The following KLF12 variants were observed in gnomAD, a reference collection of about 807,000 sequenced individuals.
KLF12 encodes the protein KLF transcription factor 12, also known as Krueppel-like factor 12.
KLF12 carries 9 observed loss-of-function variants against 37.8 expected under a neutral mutation model. The ratio of observed to expected loss-of-function variants is 0.24; its 90% CI spans 0.14 to 0.42. KLF12 has a LOEUF of 0.42. KLF12 is among the 10% of genes least tolerant of loss of function. The pLI is 1.00. For synonymous variants in KLF12, 208 were observed against 202.1 expected, an observed-to-expected ratio of 1.03 and a Z score of -0.25; for missense variants, 411 against 516.0, an observed-to-expected ratio of 0.80 and a Z score of 1.97.
chr13:73,750,519 C>T (rs1276616869), intron 6 of KLF12, among the ~76,000 whole-genome samples: 2 of 152,106 alleles, frequency 1.3e-5, no homozygotes, highest in Admixed American at 6.5e-5. Flanking sequence ...CCAACAAATA[C>T]AGTAAATCAT....
intron 3 of KLF12, among the ~76,000 whole-genome samples, chr13:73,910,108 T>G (rs2139144979): frequency 6.6e-6 from 1 of 152,320 alleles, no homozygotes; most frequent in East Asian, 1.9e-4. Flanking sequence ...CCAAGCCTTT[T>G]GATTCTTCAT....
chr13:73,798,950 A>C (rs1219301421), intron 5 of KLF12, among the ~76,000 whole-genome samples: 1 of 152,196 alleles, frequency 6.6e-6, no homozygotes, highest in African/African-American at 2.4e-5. Context: ...TACCATAAAG[A>C]CACCTGCATG....
chr13:73,773,509 G>C (rs995619627), intron 5 of KLF12, among the ~76,000 whole-genome samples: 1 of 152,144 alleles, frequency 6.6e-6, no homozygotes, highest in Non-Finnish European at 1.5e-5. Context: ...CAGAAACCCA[G>C]GAGTTACCCT....
chr13:73,738,476 T>C (rs372085836), intron 6 of KLF12, among the ~76,000 whole-genome samples: 8 of 152,086 alleles, frequency 5.3e-5, no homozygotes, highest in East Asian at 1.9e-4. Context: ...AAGTTCTTAT[T>C]CTACTGTTTT....
intron 1 of KLF12, among the ~76,000 whole-genome samples, chr13:74,024,361 T>C (rs921769102): frequency 2.0e-5 from 3 of 152,230 alleles, no homozygotes; most frequent in Non-Finnish European, 2.9e-5. Context: ...GCCCATCTAA[T>C]GGTTTATGTA....
intron 3 of KLF12, among the ~76,000 whole-genome samples, chr13:73,891,886 A>G (rs1887523053): frequency 6.6e-6 from 1 of 152,156 alleles, no homozygotes; most frequent in African/African-American, 2.4e-5. Context: ...TGTAAATAAT[A>G]TAATTATCTC....
intron 1 of KLF12, among the ~76,000 whole-genome samples, chr13:74,032,370 C>T (rs1277644324): frequency 6.6e-6 from 1 of 152,096 alleles, no homozygotes; most frequent in Non-Finnish European, 1.5e-5. Context: ...ATAAATGCTT[C>T]ACAGTGGGAG....
chr13:74,144,621 C>A, the KLF12 span, among the ~76,000 whole-genome samples: 1 of 152,098 alleles, frequency 6.6e-6, no homozygotes, highest in Non-Finnish European at 1.5e-5. Context: ...TTTTAACTCA[C>A]TGAGATAAAA....
intron 1 of KLF12, among the ~76,000 whole-genome samples, chr13:74,038,907 G>A (rs1279430345): frequency 2.7e-5 from 4 of 150,702 alleles, no homozygotes; most frequent in African/African-American, 9.8e-5. Flanking sequence ...TAACATCCCA[G>A]GGGAAAAAAA....
intron 3 of KLF12, among the ~76,000 whole-genome samples, chr13:73,921,434 A>C (rs986424735): frequency 2.1e-4 from 32 of 152,250 alleles, no homozygotes; most frequent in African/African-American, 7.2e-4. Context: ...ATAAATACTT[A>C]TGTATTAATA....
chr13:74,274,739 C>T, the KLF12 span, among the ~76,000 whole-genome samples: 2 of 150,330 alleles, frequency 1.3e-5, no homozygotes, highest in South Asian at 2.1e-4. Flanking sequence ...GGTGATCTGT[C>T]TTTATGTATG....
chr13:73,887,547 C>A (rs535018635), intron 3 of KLF12, among the ~76,000 whole-genome samples: 1 of 152,234 alleles, frequency 6.6e-6, no homozygotes, highest in South Asian at 2.1e-4. Context: ...TTCCCAAGGC[C>A]CTCACCAGAA....
chr13:74,260,921 A>C, the KLF12 span, among the ~76,000 whole-genome samples: 2 of 152,172 alleles, frequency 1.3e-5, no homozygotes. Flanking sequence ...TGAAAAAAGC[A>C]AACTAAATAT....
At chr13:73,863,237 G>A (rs925978398) in intron 3 of KLF12, among the ~76,000 whole-genome samples, 1 of 152,146 alleles carries the variant, frequency 6.6e-6, no homozygotes, top group African/African-American at 2.4e-5. Flanking sequence ...CTGACAAGAA[G>A]TCATGGGGAT....
chr13:74,078,360 C>T (rs907849786), intron 1 of KLF12, among the ~76,000 whole-genome samples: 5 of 152,234 alleles, frequency 3.3e-5, no homozygotes, highest in African/African-American at 9.6e-5. Flanking sequence ...ACTGTTACCC[C>T]AAAAGACAAA....
the KLF12 span, among the ~76,000 whole-genome samples, chr13:74,245,761 G>A: frequency 1.3e-5 from 2 of 152,158 alleles, no homozygotes; most frequent in Non-Finnish European, 2.9e-5. Context: ...ACCTAATACA[G>A]TTTTTCAAAG....
At chr13:73,872,139 A>G (rs1257269482) in intron 3 of KLF12, among the ~76,000 whole-genome samples, 4 of 152,118 alleles carry the variant, frequency 2.6e-5, no homozygotes, top group African/African-American at 9.7e-5. Flanking sequence ...AGGGATTCTG[A>G]CACATCCTGT....
intron 6 of KLF12, among the ~76,000 whole-genome samples, chr13:73,762,958 A>G (rs1273269704): frequency 6.6e-6 from 1 of 152,172 alleles, no homozygotes; most frequent in East Asian, 1.9e-4. Context: ...AATAACGTAC[A>G]CGTATTAAAT....
At chr13:74,091,126 A>T (rs1875632443) in intron 1 of KLF12, among the ~76,000 whole-genome samples, 1 of 152,190 alleles carries the variant, frequency 6.6e-6, no homozygotes, top group Non-Finnish European at 1.5e-5. Context: ...CTGTATGAAA[A>T]ATCAAGAGTC....
Sources: gnomAD v4.1 joint callset for allele counts (sites outside exome capture counted in the v4.1 genomes callset) on GRCh38, gnomAD v4.1.1 for gene constraint, MANE v1.5 for transcripts, NCBI Gene and HGNC (gene_info 2026-07-23, HGNC 2026-07-21) for gene names.